NBEA: variants seen among roughly 807,000 people sequenced by gnomAD.
NBEA encodes the protein neurobeachin.
Under a neutral mutation model 343.4 loss-of-function variants are expected in NBEA, and 44 were observed. The ratio of observed to expected loss-of-function variants is 0.13; its 90% CI spans 0.10 to 0.16. NBEA has a LOEUF of 0.16. NBEA is among the 10% of genes least tolerant of loss of function. The pLI, the probability that NBEA is intolerant of heterozygous loss-of-function variation, is 1.00. For synonymous variants in NBEA, 1,175 were observed against 1,238.7 expected, an observed-to-expected ratio of 0.95 and a Z score of 1.08; for missense variants, 2,555 against 3,631.3, an observed-to-expected ratio of 0.70 and a Z score of 7.62.
intron 17 of NBEA, among the ~76,000 whole-genome samples, chr13:35,128,572 A>G (rs543650039): frequency 6.6e-6 from 1 of 152,200 alleles, no homozygotes; most frequent in South Asian, 2.1e-4. Context: ...ATAGCTTGCT[A>G]AGTTTTATAC....
Position 35,110,978 on chromosome 13 carries a change from G to A in NBEA, c.2002G>A (p.Asp668Asn). 6.2e-7 allele frequency: 1 copy of A among 1,600,676 alleles called. No individual in the cohort carries two copies. The highest frequency in any genetic ancestry group is 8.5e-7 in the Non-Finnish European group (1 of 1,170,236). ...DSSGITPKGLDGPRPSQKEII... is the reference protein window; with the variant it reads ...DSSGITPKGLNGPRPSQKEII... Reference sequence around the variant, plus strand: ...TAGTGGCATTACACCTAAAGGATTAGGTATGTATACCACTTCCACTGTATT... The same window carrying A: ...TAGTGGCATTACACCTAAAGGATTAAGTATGTATACCACTTCCACTGTATT... Residue 668 changes from aspartate (D) to asparagine (N), a missense_variant and splice_region_variant, in exon 13 of 59, where the codon GAT becomes AAT. By Grantham distance (23) the Asp-to-Asn change is conservative. Coordinates refer to ENST00000379939, the MANE Select transcript of NBEA (RefSeq NM_001385012.1).
intron 38 of NBEA, among the ~76,000 whole-genome samples, chr13:35,387,512 C>T (rs1325954810): frequency 6.6e-6 from 1 of 151,836 alleles, no homozygotes; most frequent in African/African-American, 2.4e-5. Context: ...AAACAAAAAA[C>T]TGACAACACT....
At chr13:35,537,214 C>T (rs746710411) in intron 41 of NBEA, among the ~76,000 whole-genome samples, 1 of 152,062 alleles carries the variant, frequency 6.6e-6, no homozygotes, top group South Asian at 2.1e-4. Flanking sequence ...CTGTCTCCCT[C>T]AATCATAGAC....
At chr13:35,077,817 T>C (rs981897173) in intron 10 of NBEA, among the ~76,000 whole-genome samples, 1 of 152,156 alleles carries the variant, frequency 6.6e-6, no homozygotes, top group African/African-American at 2.4e-5. Context: ...TCACATTTCT[T>C]GATAGTCTTT....
intron 10 of NBEA, among the ~76,000 whole-genome samples, chr13:35,080,288 G>A (rs1227297559): frequency 6.6e-6 from 1 of 152,038 alleles, no homozygotes; most frequent in African/African-American, 2.4e-5. Context: ...TCCCTTGGTG[G>A]CCTATGGGTG....
At chr13:35,600,931 C>G (rs1245467615) in intron 47 of NBEA, among the ~76,000 whole-genome samples, 1 of 152,130 alleles carries the variant, frequency 6.6e-6, no homozygotes, top group Non-Finnish European at 1.5e-5. Flanking sequence ...AATCACAGCA[C>G]TTGGAAAGGC....
At chr13:35,580,625 C>T (rs1237458715) in intron 45 of NBEA, among the ~76,000 whole-genome samples, 5 of 152,160 alleles carry the variant, frequency 3.3e-5, no homozygotes, top group Non-Finnish European at 7.4e-5. Flanking sequence ...TTTCCCCAAA[C>T]ATTTGGAAGC....
At chr13:35,106,729 A>G (rs2065935479) in intron 11 of NBEA, among the ~76,000 whole-genome samples, 1 of 151,890 alleles carries the variant, frequency 6.6e-6, no homozygotes, top group Non-Finnish European at 1.5e-5. Context: ...CTGCTACCCA[A>G]CAGCATTAAT....
chr13:35,362,089 A>G (rs1222483563), intron 38 of NBEA, among the ~76,000 whole-genome samples: 9 of 152,016 alleles, frequency 5.9e-5, no homozygotes, highest in Non-Finnish European at 1.3e-4. Flanking sequence ...GGCCTGGGAA[A>G]GGTTTTATAG....
At chr13:35,248,756 G>C (rs1025581461) in intron 34 of NBEA, among the ~76,000 whole-genome samples, 1 of 152,038 alleles carries the variant, frequency 6.6e-6, no homozygotes, top group African/African-American at 2.4e-5. Flanking sequence ...AATGTTGTTG[G>C]GCCCTTACCT....
rs575079276 is a variant in NBEA at position 35,354,852 on chromosome 13, G to C, written c.6179+2529G>C. 2.0e-5 allele frequency among the ~76,000 whole-genome samples: 3 copies of C among 152,074 alleles called. No individual in the cohort carries two copies. In the South Asian group the frequency reaches 6.2e-4, roughly 32 times the overall value. Reference sequence around the variant, plus strand: ...ATTATTCCAAGTCCAGATCTCTCCCGTCGCCAGGTCTGTATATTCATCTGC... The same window carrying C: ...ATTATTCCAAGTCCAGATCTCTCCCCTCGCCAGGTCTGTATATTCATCTGC... On this transcript the variant is annotated intron_variant, in intron 38 of 58. Transcript: ENST00000379939.
chr13:35,643,519 T>G (rs1024221194), intron 49 of NBEA, among the ~76,000 whole-genome samples: 1 of 152,224 alleles, frequency 6.6e-6, no homozygotes, highest in South Asian at 2.1e-4. Context: ...TTTATACAAA[T>G]GCCCTGCTTC....
At chr13:35,524,364 C>T (rs748015008) in intron 41 of NBEA, among the ~76,000 whole-genome samples, 3 of 152,208 alleles carry the variant, frequency 2.0e-5, no homozygotes, top group African/African-American at 4.8e-5. Context: ...GATAGGAGCT[C>T]GGGGAGTGCC....
chr13:35,030,434 C>T (rs2062167002), intron 1 of NBEA, among the ~76,000 whole-genome samples: 2 of 151,478 alleles, frequency 1.3e-5, no homozygotes, highest in Admixed American at 1.3e-4. Context: ...TGATTAAGTG[C>T]ATTTTGTAGT....
Position 35,231,643 on chromosome 13 carries a change from T to G in NBEA, c.5649-849T>G, listed in dbSNP as rs2074980791. On this transcript the variant is annotated intron_variant, in intron 33 of 58. Coordinates refer to ENST00000379939, the MANE Select transcript of NBEA (RefSeq NM_001385012.1). ...TCTCACTGTGTGCTGGGTGCTTTTC[T>G]GTGCACTTTATATCCCTTAGCTTGT... is the stretch of plus-strand genomic sequence containing the variant. 2.6e-5 allele frequency among the ~76,000 whole-genome samples: 4 copies of G among 152,110 alleles called. No individual in the cohort carries two copies. In the South Asian group the frequency reaches 8.3e-4, roughly 31 times the overall value.
intron 38 of NBEA, among the ~76,000 whole-genome samples, chr13:35,400,860 T>TA (rs2042971382): frequency 6.6e-6 from 1 of 151,902 alleles, no homozygotes; most frequent in East Asian, 1.9e-4. Context: ...CTTTTTTTTT[T>TA]AATGGGAGTT....
In NBEA at chr13:35,161,839, A is replaced by G. The variant is rs17051895; in HGVS notation, c.3951A>G (p.Arg1317=). The part of the protein sequence containing the change: ...FRGMPMTEEQ[R]RQFSPGPRTT... ...GAATGCCAATGACTGAGGAACAGCG[A>G]CGCCAGTTTAGCCCAGGTCCACGGA... Residue 1317 remains arginine, a synonymous_variant, in exon 23 of 59, where the codon CGA becomes CGG. Transcript: ENST00000379939. 0.09 allele frequency: 145,305 copies of G among 1,610,898 alleles called. 7,481 individuals are homozygous for G. Among genetic ancestry groups the G allele is most frequent in the African/African-American group, 0.18 (13,291 of 74,856 alleles).
chr13:35,636,946 A>C (rs866603130), intron 49 of NBEA, among the ~76,000 whole-genome samples: 1 of 152,220 alleles, frequency 6.6e-6, no homozygotes. Context: ...GAGACTCTAC[A>C]GCCTTTCCTA....
At chr13:34,948,265 T>C (rs2059248425) in intron 1 of NBEA, among the ~76,000 whole-genome samples, 2 of 152,154 alleles carry the variant, frequency 1.3e-5, no homozygotes, top group Admixed American at 1.3e-4. Context: ...GGGTCAGACA[T>C]CTAACCTAGG....
Sources: gnomAD v4.1 joint callset for allele counts (sites outside exome capture counted in the v4.1 genomes callset) on GRCh38, gnomAD v4.1.1 for gene constraint, MANE v1.5 for transcripts, NCBI Gene and HGNC (gene_info 2026-07-23, HGNC 2026-07-21) for gene names.